LYST: variants seen among roughly 807,000 people sequenced by gnomAD.
The protein encoded by LYST is lysosomal-trafficking regulator.
In LYST, 192 loss-of-function variants were observed where a neutral mutation model predicts 413.6. The observed-to-expected ratio is 0.46, with a 90% CI of 0.41 to 0.52. LYST has a LOEUF of 0.52. LYST is among the 20% of genes least tolerant of loss of function. The pLI, the probability that LYST is intolerant of heterozygous loss-of-function variation, is 0.00. For missense variants in LYST, 3,815 were observed against 4,499.9 expected (o/e 0.85, Z 4.35); for synonymous variants, 1,525 against 1,567.3 (o/e 0.97, Z 0.64).
intron 10 of LYST, among the ~76,000 whole-genome samples, chr1:235,796,510 CT>C (rs1671569740): frequency 6.6e-6 from 1 of 152,138 alleles, no homozygotes; most frequent in Admixed American, 6.5e-5. Flanking sequence ...ACGCAAATAG[CT>C]AAAAAGCACA....
At chr1:235,811,486 C>G (rs1040215492) in intron 4 of LYST, among the ~76,000 whole-genome samples, 38 of 152,228 alleles carry the variant, frequency 2.5e-4, no homozygotes, top group African/African-American at 8.2e-4. Context: ...CAGCACTGAA[C>G]TAGGCACCAG....
At chr1:235,733,113 T>C (rs1358425384) in intron 34 of LYST, among the ~76,000 whole-genome samples, 3 of 152,188 alleles carry the variant, frequency 2.0e-5, no homozygotes, top group African/African-American at 4.8e-5. Flanking sequence ...GTCACATGAA[T>C]AAGTTATCTT....
chr1:235,677,700 A>C, intron 48 of LYST, 81 bp from the exon 49 acceptor site: 1 of 1,021,242 alleles, frequency 9.8e-7, no homozygotes, highest in Non-Finnish European at 1.5e-6. Context: ...AAAACAACCA[A>C]AGTGACTCAA....
intron 46 of LYST, among the ~76,000 whole-genome samples, chr1:235,694,597 A>G (rs1332934763): frequency 1.3e-5 from 2 of 152,220 alleles, no homozygotes; most frequent in African/African-American, 2.4e-5. Flanking sequence ...AGCATAGTGA[A>G]AATAGGCAAT....
At chr1:235,773,406 G>A (rs1441044140) in intron 19 of LYST, among the ~76,000 whole-genome samples, 2 of 152,060 alleles carry the variant, frequency 1.3e-5, no homozygotes, top group Non-Finnish European at 2.9e-5. Flanking sequence ...CAATCCAAGT[G>A]TCTCTAAACT....
intron 45 of LYST, 55 bp downstream of exon 45, chr1:235,702,692 A>C: frequency 7.0e-7 from 1 of 1,430,094 alleles, no homozygotes; most frequent in South Asian, 1.1e-5. Context: ...AGTGCCTGGC[A>C]TCACAAGAGT....
chr1:235,830,089 C>CTTTTTTTT, intron 3 of LYST, 137 bp downstream of exon 3: 2 of 615,948 alleles, frequency 3.2e-6, no homozygotes, highest in Non-Finnish European at 2.8e-6. Context: ...AATAGGTCCA[C>CTTTTTTTT]TTTTTTTTTA....
At position 235,733,556 on chromosome 1, in the gene LYST, A is replaced by G; in HGVS notation, c.8748T>C (p.Asp2916=). ...CCTGCCAATGTCTGCTGGCACTCAA[A>G]TCTACTTTATACATTCCTCTAATAT... ...IQHIRGMYKV[D]LSASRHWQEL... is the part of the protein sequence containing the mutation. Residue 2916 remains aspartate (D), a synonymous_variant, in exon 34 of 53, where the codon GAT becomes GAC. Coordinates refer to ENST00000389793, the MANE Select transcript of LYST (RefSeq NM_000081.4). 1 of 1,613,936 alleles carries G rather than the reference A, an allele frequency of 6.2e-7. No homozygotes were observed. Among genetic ancestry groups the G allele is most frequent in the Non-Finnish European group, 8.5e-7 (1 of 1,179,924 alleles).
intron 1 of LYST, among the ~76,000 whole-genome samples, chr1:235,857,370 C>T (rs1679308371): frequency 6.6e-6 from 1 of 152,064 alleles, no homozygotes; most frequent in Admixed American, 6.6e-5. Flanking sequence ...CCTGAAATAT[C>T]ATGGGCTATT....
intron 47 of LYST, among the ~76,000 whole-genome samples, chr1:235,691,879 A>G (rs112860628): frequency 0.079 from 11,926 of 150,804 alleles, 1,524 homozygotes; most frequent in African/African-American, 0.27. Flanking sequence ...TGCATTTTTC[A>G]TAGAGGCAGG....
intron 12 of LYST, 102 bp from the exon 13 acceptor site, chr1:235,788,947 A>G (rs1166165743): frequency 2.9e-6 from 3 of 1,024,618 alleles, no homozygotes; most frequent in African/African-American, 1.6e-5. Context: ...CATTTGTAGT[A>G]GGTTATCTAC....
At chr1:235,832,254 C>T (rs1676078717) in intron 2 of LYST, among the ~76,000 whole-genome samples, 1 of 152,240 alleles carries the variant, frequency 6.6e-6, no homozygotes, top group African/African-American at 2.4e-5. Flanking sequence ...CACTCATGTG[C>T]AGGCCAGGTC....
chr1:235,882,207 G>T, intron 1 of LYST, among the ~76,000 whole-genome samples: 1 of 152,032 alleles, frequency 6.6e-6, no homozygotes, highest in East Asian at 1.9e-4. Flanking sequence ...GAGGAGTTTG[G>T]CAGGCAGGAC....
rs1663860067 is a variant in LYST at position 235,726,263 on chromosome 1, T to A, written c.9162+1813A>T. ...CTTTCCAAAACCTTAATTTTTTTTT[T>A]TAGATTCAGATTATCCTACTCTATG... On this transcript the variant is annotated intron_variant, in intron 38 of 52. Transcript: ENST00000389793. Among the ~76,000 whole-genome samples, 6 of 152,288 alleles carry A rather than the reference T, an allele frequency of 3.9e-5. No homozygotes were observed. In the South Asian group the frequency reaches 1.2e-3, roughly 32 times the overall value.
chr1:235,775,300 A>G (rs1198275246), intron 17 of LYST, among the ~76,000 whole-genome samples: 1 of 152,214 alleles, frequency 6.6e-6, no homozygotes, highest in Non-Finnish European at 1.5e-5. Context: ...ATACTATAGT[A>G]TACAATGACA....
chr1:235,801,759 A>T (rs905926523), intron 8 of LYST, among the ~76,000 whole-genome samples: 1 of 152,250 alleles, frequency 6.6e-6, no homozygotes, highest in South Asian at 2.1e-4. Context: ...ACTATAAAAA[A>T]ATTAATAAAC....
In LYST at chr1:235,695,063, G is replaced by A. The variant is rs77771534; in HGVS notation, c.10565-1577C>T. On this transcript the variant is annotated intron_variant, in intron 46 of 52. Transcript: ENST00000389793. ...CAATGCCTCTCTAGAATGTCTATGT[G>A]GACTGTTCCTTGCTGGGTCTAGTGT... 4.1e-3 allele frequency among the ~76,000 whole-genome samples: 631 copies of A among 152,230 alleles called. 3 individuals carry two copies. Among genetic ancestry groups the A allele is most frequent in the African/African-American group, 0.014 (596 of 41,520 alleles).
chr1:235,692,631 G>A (rs919679008), intron 47 of LYST, among the ~76,000 whole-genome samples: 43 of 151,854 alleles, frequency 2.8e-4, no homozygotes, highest in African/African-American at 9.4e-4. Context: ...CGATCTGCCC[G>A]CCTCAGCCTC....
chr1:235,866,288 C>A (rs140402459), intron 1 of LYST, among the ~76,000 whole-genome samples: 60 of 152,272 alleles, frequency 3.9e-4, no homozygotes, highest in African/African-American at 1.2e-3. Context: ...AAGGGTGTCA[C>A]GGACAGGAGG....
Sources: gnomAD v4.1 joint callset for allele counts (sites outside exome capture counted in the v4.1 genomes callset) on GRCh38, gnomAD v4.1.1 for gene constraint, MANE v1.5 for transcripts, NCBI Gene and HGNC (gene_info 2026-07-23, HGNC 2026-07-21) for gene names.